PTPRM: variants seen among roughly 807,000 people sequenced by gnomAD.
PTPRM encodes the protein protein tyrosine phosphatase receptor type M.
In PTPRM, 47 loss-of-function variants were observed where a neutral mutation model predicts 186.7. That is an observed-to-expected ratio of 0.25 (90% CI 0.20 to 0.32). The LOEUF (loss-of-function observed/expected upper bound fraction) is 0.32, where lower values mean the gene tolerates loss of function less well. PTPRM is among the 10% of genes least tolerant of loss of function. The pLI, the probability that PTPRM is intolerant of heterozygous loss-of-function variation, is 1.00. For missense variants in PTPRM, 1,494 were observed against 1,865.0 expected, an observed-to-expected ratio of 0.80 and a Z score of 3.66; for synonymous variants, 668 against 674.9, an observed-to-expected ratio of 0.99 and a Z score of 0.16.
intron 17 of PTPRM, among the ~76,000 whole-genome samples, chr18:8,250,769 A>G (rs2094520966): frequency 6.6e-6 from 1 of 151,166 alleles, no homozygotes; most frequent in Non-Finnish European, 1.5e-5. Flanking sequence ...AGCCTGGATG[A>G]TGGAGAAAGA....
chr18:7,731,823 G>A (rs566323254), intron 1 of PTPRM, among the ~76,000 whole-genome samples: 44 of 152,294 alleles, frequency 2.9e-4, no homozygotes, highest in Admixed American at 1.6e-3. Context: ...TAAGGGAAAG[G>A]AGATCACTCT....
intron 1 of PTPRM, among the ~76,000 whole-genome samples, chr18:7,634,185 T>C (rs1243658310): frequency 6.6e-6 from 1 of 152,186 alleles, no homozygotes; most frequent in Non-Finnish European, 1.5e-5. Context: ...GTTTTTGTTT[T>C]AGTTGGCTGT....
At chr18:8,209,047 T>C (rs775157168) in intron 14 of PTPRM, among the ~76,000 whole-genome samples, 6 of 152,152 alleles carry the variant, frequency 3.9e-5, no homozygotes, top group South Asian at 2.1e-4. Context: ...AGATAGGGCA[T>C]AGGGGCTGCT....
At chr18:8,095,174 C>A (rs2090953370) in intron 11 of PTPRM, among the ~76,000 whole-genome samples, 1 of 152,014 alleles carries the variant, frequency 6.6e-6, no homozygotes, top group Non-Finnish European at 1.5e-5. Context: ...ATCTAGTGTC[C>A]TGTAGTAAGT....
At chr18:8,019,091 A>G (rs2085053492) in intron 7 of PTPRM, among the ~76,000 whole-genome samples, 1 of 152,220 alleles carries the variant, frequency 6.6e-6, no homozygotes, top group South Asian at 2.1e-4. Context: ...AGCAGCAGCA[A>G]AACCTTCTAG....
intron 1 of PTPRM, among the ~76,000 whole-genome samples, chr18:7,738,796 G>T (rs1301816169): frequency 6.6e-5 from 10 of 152,096 alleles, no homozygotes; most frequent in Non-Finnish European, 7.4e-5. Context: ...GTGTTATTGT[G>T]GATAAGAATT....
intron 7 of PTPRM, among the ~76,000 whole-genome samples, chr18:7,960,222 G>C (rs2053568680): frequency 6.6e-6 from 1 of 152,058 alleles, no homozygotes; most frequent in Non-Finnish European, 1.5e-5. Context: ...AAACAATTAA[G>C]ATTGGTGAGA....
intron 14 of PTPRM, among the ~76,000 whole-genome samples, chr18:8,184,660 C>A (rs568468279): frequency 1.3e-5 from 2 of 152,262 alleles, no homozygotes; most frequent in South Asian, 4.2e-4. Flanking sequence ...ATAACACTGG[C>A]CTAAAGCTGA....
chr18:7,904,316 A>G (rs1377817550), intron 3 of PTPRM, among the ~76,000 whole-genome samples: 1 of 152,120 alleles, frequency 6.6e-6, no homozygotes, highest in East Asian at 1.9e-4. Context: ...TTGTTACCTG[A>G]ATAGGCTTGT....
At chr18:7,763,284 G>C (rs2041864913) in intron 1 of PTPRM, among the ~76,000 whole-genome samples, 1 of 152,192 alleles carries the variant, frequency 6.6e-6, no homozygotes, top group Admixed American at 6.5e-5. Flanking sequence ...CCTGGAGATG[G>C]AAGGAGCAGA....
chr18:8,244,903 T>C (rs2094463584), intron 15 of PTPRM, among the ~76,000 whole-genome samples: 2 of 152,254 alleles, frequency 1.3e-5, no homozygotes, highest in South Asian at 4.2e-4. Context: ...CACACTTTGG[T>C]GAGTTCAAGG....
chr18:8,069,816 C>T lies in PTPRM; in HGVS notation c.1263C>T (p.Tyr421=). The part of the protein sequence containing the change: ...HSYNLTVHYC[Y]QVGGQEQVRE... ...ATAATCTCACTGTCCACTACTGTTA[C>T]CAAGTTGGAGGACAAGAACAAGTGC... is the stretch of plus-strand genomic sequence containing the variant. Residue 421 remains tyrosine, a synonymous_variant, in exon 8 of 33, where the codon TAC becomes TAT. Transcript: ENST00000580170. 12 of 1,614,068 alleles carry T rather than the reference C, an allele frequency of 7.4e-6. No individual in the cohort carries two copies. The highest frequency in any genetic ancestry group is 1.0e-5 in the Non-Finnish European group (12 of 1,179,970).
chr18:7,686,178 A>G (rs1321281620), intron 1 of PTPRM, among the ~76,000 whole-genome samples: 1 of 152,214 alleles, frequency 6.6e-6, no homozygotes, highest in Non-Finnish European at 1.5e-5. Flanking sequence ...TCCATGGGAC[A>G]AGGATCTCCC....
rs1397981412 is a variant in PTPRM, at chr18:8,376,217, A to T, written c.3326+17A>T. 3 of 1,604,750 alleles carry T rather than the reference A, an allele frequency of 1.9e-6. No homozygotes were observed. ...GCACTGCAGGTAAGCAGAGCTCCAG[A>T]GCCTCTTGAAGGAAACGCAGTGGGT... On this transcript the variant is annotated intron_variant, in intron 25 of 32. Coordinates refer to ENST00000580170, the MANE Select transcript of PTPRM (RefSeq NM_001105244.2).
At chr18:7,735,469 A>G (rs1455157533) in intron 1 of PTPRM, among the ~76,000 whole-genome samples, 5 of 152,100 alleles carry the variant, frequency 3.3e-5, no homozygotes, top group African/African-American at 9.7e-5. Context: ...AGATCTTAAG[A>G]CTGATAGAAC....
At chr18:7,611,166 A>C (rs2037663502) in intron 1 of PTPRM, among the ~76,000 whole-genome samples, 1 of 152,282 alleles carries the variant, frequency 6.6e-6, no homozygotes, top group East Asian at 1.9e-4. Flanking sequence ...TTTTAAGCTA[A>C]GTATTATTAC....
intron 5 of PTPRM, among the ~76,000 whole-genome samples, chr18:7,934,376 C>T (rs538833273): frequency 1.2e-4 from 18 of 151,966 alleles, no homozygotes; most frequent in Non-Finnish European, 2.1e-4. Context: ...GCTACGCAAT[C>T]GTGAAAAAAG....
At chr18:7,570,550 G>A (rs2036542507) in intron 1 of PTPRM, among the ~76,000 whole-genome samples, 1 of 152,196 alleles carries the variant, frequency 6.6e-6, no homozygotes, top group African/African-American at 2.4e-5. Flanking sequence ...TTCAAATTGT[G>A]TGTGAATGGA....
chr18:8,095,809 G>A (rs1186632984), intron 11 of PTPRM, among the ~76,000 whole-genome samples: 2 of 152,112 alleles, frequency 1.3e-5, no homozygotes, highest in South Asian at 2.1e-4. Flanking sequence ...ATATATTGAT[G>A]TTAAAAATAC....
Sources: allele counts gnomAD v4.1 joint callset (sites outside exome capture counted in the v4.1 genomes callset), GRCh38; gene constraint gnomAD v4.1.1; transcripts MANE v1.5; gene names NCBI Gene and HGNC (gene_info 2026-07-23, HGNC 2026-07-21).